The following FOXJ3 variants were observed in gnomAD, a reference collection of about 807,000 sequenced individuals.
The protein encoded by FOXJ3 is forkhead box J3.
FOXJ3 carries 22 observed loss-of-function variants against 76.1 expected under a neutral mutation model. That is an observed-to-expected ratio of 0.29 (90% CI 0.21 to 0.41). The LOEUF is 0.41. FOXJ3 is among the 10% of genes least tolerant of loss of function. The pLI, the probability that FOXJ3 is intolerant of heterozygous loss-of-function variation, is 1.00. For missense variants in FOXJ3, 613 were observed against 762.1 expected (o/e 0.80, Z 2.30); for synonymous variants, 269 against 261.2 (o/e 1.03, Z -0.29).
chr1:42,318,827 A>G (rs1034141483), intron 1 of FOXJ3, among the ~76,000 whole-genome samples: 1 of 152,232 alleles, frequency 6.6e-6, no homozygotes. Flanking sequence ...AAAGTTAGAC[A>G]TAAGAGTTAC....
chr1:42,267,263 C>G (rs190607147), intron 3 of FOXJ3, among the ~76,000 whole-genome samples: 1 of 151,858 alleles, frequency 6.6e-6, no homozygotes, highest in Admixed American at 6.6e-5. Context: ...AGAGAAGGGA[C>G]GAGAAATCCC....
At chr1:42,326,386 G>A (rs1244776164) in intron 1 of FOXJ3, among the ~76,000 whole-genome samples, 1 of 152,132 alleles carries the variant, frequency 6.6e-6, no homozygotes, top group African/African-American at 2.4e-5. Context: ...CAGGTTCAAA[G>A]AAGAAAATTT....
At position 42,188,749 on chromosome 1, in the gene FOXJ3, G is replaced by C. The variant is rs1646485743; in HGVS notation, c.1633C>G (p.His545Asp). The C allele has an allele frequency of 1.9e-6, 3 of 1,599,108 alleles. No homozygotes were observed. Among genetic ancestry groups the C allele is most frequent in the Non-Finnish European group, 2.6e-6 (3 of 1,171,410 alleles). Residue 545 changes from histidine to aspartate, a missense_variant, in exon 11 of 13, where the codon CAC becomes GAC. Around this residue, in one of 3 missense-constraint regions of FOXJ3, gnomAD observed 526 missense variants for 601.4 expected, o/e 0.87. Transcript: ENST00000361346. ...GAMHPTKPSQ[H>D]IGTGNLYIDS... The stretch of plus-strand genomic sequence containing the variant: ...ACTAACCCCATACCTGTTCCAATGT[G>C]TTGGGAAGGTTTTGTTGGATGCATG...
intron 5 of FOXJ3, among the ~76,000 whole-genome samples, chr1:42,225,946 AC>A (rs1302863938): frequency 2.0e-5 from 3 of 152,230 alleles, no homozygotes; most frequent in African/African-American, 7.2e-5. Context: ...AAAGACACGG[AC>A]AGTTGTTCGC....
chr1:42,286,426 T>C (rs1653056745), intron 2 of FOXJ3, among the ~76,000 whole-genome samples: 1 of 152,194 alleles, frequency 6.6e-6, no homozygotes, highest in South Asian at 2.1e-4. Flanking sequence ...TTCAGCTATG[T>C]GGTCCTGAAC....
chr1:42,325,223 G>A (rs1044995162), intron 1 of FOXJ3, among the ~76,000 whole-genome samples: 10 of 152,282 alleles, frequency 6.6e-5, no homozygotes, highest in African/African-American at 2.4e-4. Context: ...ATCTACCTCA[G>A]TAACAATTGC....
intron 1 of FOXJ3, among the ~76,000 whole-genome samples, chr1:42,317,372 C>T (rs1655175190): frequency 6.6e-6 from 1 of 152,170 alleles, no homozygotes; most frequent in South Asian, 2.1e-4. Context: ...ATCCCAGCCA[C>T]TCTAGCTAAA....
At chr1:42,287,134 T>A (rs892062494) in intron 2 of FOXJ3, among the ~76,000 whole-genome samples, 2 of 150,370 alleles carry the variant, frequency 1.3e-5, no homozygotes, top group African/African-American at 4.9e-5. Context: ...AGGTCAGGAG[T>A]TGGAGACCAG....
chr1:42,204,146 C>T (rs1646816365), intron 6 of FOXJ3, among the ~76,000 whole-genome samples: 1 of 152,046 alleles, frequency 6.6e-6, no homozygotes, highest in African/African-American at 2.4e-5. Context: ...GCCCCTATGC[C>T]ATGCACTGAG....
At chr1:42,238,873 T>G (rs541493995) in intron 4 of FOXJ3, among the ~76,000 whole-genome samples, 1 of 152,142 alleles carries the variant, frequency 6.6e-6, no homozygotes, top group Non-Finnish European at 1.5e-5. Flanking sequence ...TTACATTAAC[T>G]CTATAAATCT....
At position 42,191,342 on chromosome 1, in the gene FOXJ3, G is replaced by A. The variant is rs377561899; in HGVS notation, c.1312C>T (p.Gln438Ter). The change falls in exon 9 of 13, where the codon CAG becomes TAG. Residue 438 changes from glutamine (Q) to a stop codon, truncating the protein, a stop_gained. Coordinates refer to ENST00000361346, the MANE Select transcript of FOXJ3 (RefSeq NM_014947.5). LOFTEE classifies it high-confidence loss of function. ...PNHQHQTLTH[Q>*]APPPPQQVSC... is the part of the protein sequence containing the mutation. ...ACCTGTTGTGGGGGTGGGGGTGCCT[G>A]ATGTGTTAACGTCTGATGCTGATGG... The A allele has an allele frequency of 6.4e-7, 1 of 1,563,098 alleles. No homozygotes were observed. The highest frequency in any genetic ancestry group is 8.7e-7 in the Non-Finnish European group (1 of 1,148,236).
At chr1:42,312,188 A>C (rs571917179) in intron 1 of FOXJ3, among the ~76,000 whole-genome samples, 133 of 152,320 alleles carry the variant, frequency 8.7e-4, no homozygotes, top group South Asian at 7.3e-3. Flanking sequence ...GAGAAACAAA[A>C]AAATCCAAAA....
At chr1:42,289,719 A>T (rs1653294484) in intron 2 of FOXJ3, among the ~76,000 whole-genome samples, 1 of 152,156 alleles carries the variant, frequency 6.6e-6, no homozygotes, top group South Asian at 2.1e-4. Context: ...AAGCTATTTA[A>T]CAATATAAAA....
intron 4 of FOXJ3, among the ~76,000 whole-genome samples, chr1:42,257,612 G>A (rs1295777561): frequency 6.6e-6 from 1 of 151,872 alleles, no homozygotes; most frequent in Non-Finnish European, 1.5e-5. Flanking sequence ...GGTGGCACAC[G>A]CTTGTAATCC....
At chr1:42,194,805 A>G (rs938208492) in intron 8 of FOXJ3, 85 bp downstream of exon 8, 2 of 810,328 alleles carry the variant, frequency 2.5e-6, no homozygotes, top group African/African-American at 3.5e-5. Context: ...TCTAAGATTA[A>G]GAGTATAACA....
intron 1 of FOXJ3, among the ~76,000 whole-genome samples, chr1:42,332,975 C>A (rs1656249951): frequency 6.6e-6 from 1 of 152,046 alleles, no homozygotes; most frequent in Non-Finnish European, 1.5e-5. Flanking sequence ...TCTGTTCTTT[C>A]GATATAAGTT....
intron 2 of FOXJ3, among the ~76,000 whole-genome samples, chr1:42,299,275 G>T (rs1002675673): frequency 2.0e-5 from 3 of 152,000 alleles, no homozygotes; most frequent in African/African-American, 7.2e-5. Flanking sequence ...CAGTATTTAT[G>T]AATCTGGGTG....
intron 2 of FOXJ3, among the ~76,000 whole-genome samples, chr1:42,293,924 C>G (rs1345130269): frequency 1.3e-5 from 2 of 152,190 alleles, no homozygotes; most frequent in African/African-American, 2.4e-5. Flanking sequence ...AAACACTTAT[C>G]CATCAGGTTC....
At chr1:42,259,147 G>C (rs1475806648) in intron 4 of FOXJ3, among the ~76,000 whole-genome samples, 1 of 152,170 alleles carries the variant, frequency 6.6e-6, no homozygotes, top group African/African-American at 2.4e-5. Flanking sequence ...GCCAGACTCA[G>C]AAGGCCATGT....
Sources: gnomAD v4.1 joint callset for allele counts (sites outside exome capture counted in the v4.1 genomes callset) on GRCh38, gnomAD v4.1.1 for gene constraint, gnomAD v4.1.1 regional missense constraint, MANE v1.5 for transcripts, NCBI Gene and HGNC (gene_info 2026-07-23, HGNC 2026-07-21) for gene names.